The following ZBTB26 variants were observed in gnomAD, a reference collection of about 807,000 sequenced individuals.
ZBTB26 encodes the protein zinc finger and BTB domain containing 26.
A neutral mutation model predicts 31.6 loss-of-function variants in ZBTB26; 12 were observed. That is an observed-to-expected ratio of 0.38 (90% CI 0.24 to 0.61). The LOEUF (loss-of-function observed/expected upper bound fraction) is 0.61. ZBTB26 is among the 20% of genes least tolerant of loss of function. The pLI, the probability that ZBTB26 is intolerant of heterozygous loss-of-function variation, is 0.60. For missense variants in ZBTB26, 311 were observed against 521.9 expected (o/e 0.60, Z 3.94); for synonymous variants, 155 against 182.9 (o/e 0.85, Z 1.23).
At chr9:122,924,392 G>A (rs1027410462) in intron 1 of ZBTB26, among the ~76,000 whole-genome samples, 1 of 152,082 alleles carries the variant, frequency 6.6e-6, no homozygotes, top group African/African-American at 2.4e-5. Flanking sequence ...CCAATAGACT[G>A]TTAGTTATTT....
intron 1 of ZBTB26, among the ~76,000 whole-genome samples, chr9:122,930,488 G>A (rs1833255631): frequency 6.6e-6 from 1 of 152,146 alleles, no homozygotes; most frequent in African/African-American, 2.4e-5. Flanking sequence ...CTAACTTTTA[G>A]CTAAATGTCT....
In ZBTB26 at chr9:122,918,694, T is replaced by G. The variant is rs780869178; in HGVS notation, c.1241A>C (p.Gln414Pro). 6 of 1,614,234 alleles carry G rather than the reference T, an allele frequency of 3.7e-6. No individual in the cohort carries two copies. The Admixed American group carries it at 8.3e-5, about 22-fold the overall frequency. ...ATCCAGGACCTGTGTTGCATCGGGT[T>G]GTGGCTGACACCCTTTAGAGTCTGT... The part of the protein sequence containing the change: ...TVTDSKGCQP[Q>P]PDATQVLDAG... Residue 414 changes from glutamine to proline, a missense_variant, in exon 2 of 2, where the codon CAA becomes CCA. Physicochemically the swap from Gln to Pro is moderately conservative, Grantham distance 76. Transcript: ENST00000373656.
In ZBTB26 at chr9:122,919,513, G is replaced by A; in HGVS notation, c.422C>T (p.Pro141Leu). 6.2e-7 allele frequency: 1 copy of A among 1,614,160 alleles called. No individual in the cohort carries two copies. The highest frequency in any genetic ancestry group is 8.5e-7 in the Non-Finnish European group (1 of 1,180,024). Residue 141 changes from proline to leucine, a missense_variant, in exon 2 of 2, where the codon CCA becomes CTA. By Grantham distance (98) the Pro-to-Leu change is moderately conservative (BLOSUM62 -3). Transcript: ENST00000373656. The surrounding 1 kb of genome is among the most constrained non-coding windows in gnomAD (Gnocchi z 6.1). The stretch of plus-strand genomic sequence containing the variant: ...TTTTGACTGGGGAGAAGCACTCTGT[G>A]GTTCACATCCCTCTTTACTATCCAT... ...QPMDSKEGCE[P>L]QSASPQSKEQ... is the part of the protein sequence containing the mutation.
intron 1 of ZBTB26, among the ~76,000 whole-genome samples, chr9:122,927,088 C>G (rs569301404): frequency 4.6e-5 from 7 of 152,312 alleles, no homozygotes; most frequent in African/African-American, 1.7e-4. Context: ...ACTCCTCACT[C>G]CTCCATTCTT....
Position 122,918,441 on chromosome 9 carries a change from G to A in ZBTB26, c.*168C>T. 2.0e-6 allele frequency: 2 copies of A among 987,654 alleles called. No individual in the cohort carries two copies. Among genetic ancestry groups the A allele is most frequent in the East Asian group, 2.5e-5 (1 of 39,356 alleles). 61.2% of individuals were successfully genotyped at this position (987,654 alleles called of 1,614,324 possible). On this transcript the variant is annotated 3_prime_UTR_variant, in exon 2 of 2. Coordinates refer to ENST00000373656, the MANE Select transcript of ZBTB26 (RefSeq NM_020924.4). ...GAAAATGGGAGAGGGCAAAAGTAAG[G>A]CAAATCCACTCCAAGTGGTAAGTTG... is the stretch of plus-strand genomic sequence containing the variant.
At chr9:122,929,093 A>T (rs1833228214) in intron 1 of ZBTB26, among the ~76,000 whole-genome samples, 1 of 152,210 alleles carries the variant, frequency 6.6e-6, no homozygotes, top group South Asian at 2.1e-4. Context: ...CATTCAGCAA[A>T]GCAGGGAATA....
At chr9:122,931,077 G>C (rs907182248) in intron 1 of ZBTB26, 1 of 152,274 alleles carries the variant, frequency 6.6e-6, no homozygotes, top group Non-Finnish European at 1.5e-5. Flanking sequence ...GGTTCTCAAA[G>C]ACTGGCACTG....
At position 122,918,690 on chromosome 9, in the gene ZBTB26, G is replaced by T. The variant is rs746764215; in HGVS notation, c.1245C>A (p.Pro415=). 6.2e-7 allele frequency: 1 copy of T among 1,614,040 alleles called. No individual in the cohort carries two copies. Among genetic ancestry groups the T allele is most frequent in the Non-Finnish European group, 8.5e-7 (1 of 1,180,030 alleles). ...CTGCATCCAGGACCTGTGTTGCATCGGGTTGTGGCTGACACCCTTTAGAGT... is the reference window on the plus strand; with the variant it reads ...CTGCATCCAGGACCTGTGTTGCATCTGGTTGTGGCTGACACCCTTTAGAGT... ...VTDSKGCQPQ[P]DATQVLDAGK... Residue 415 remains proline (P), a synonymous_variant, in exon 2 of 2, where the codon CCC becomes CCA. Coordinates refer to ENST00000373656, the MANE Select transcript of ZBTB26 (RefSeq NM_020924.4).
Position 122,916,017 on chromosome 9 carries a change from G to C in ZBTB26, c.*2592C>G, listed in dbSNP as rs1342191957. The stretch of plus-strand genomic sequence containing the variant: ...GTAAAATACTGGATATCAGTAACTT[G>C]ACTTCTTTGCAATATAATCTAACAA... On this transcript the variant is annotated 3_prime_UTR_variant, in exon 2 of 2. Transcript: ENST00000373656. 6.6e-6 allele frequency: 1 copy of C among 152,152 alleles called. No homozygotes were observed. The highest frequency in any genetic ancestry group is 1.5e-5 in the Non-Finnish European group (1 of 68,022). The allele number at this position is 152,152 out of a possible 1,614,324, so 9.4% of individuals were successfully genotyped here.
chr9:122,926,400 G>A (rs987252668), intron 1 of ZBTB26, among the ~76,000 whole-genome samples: 4 of 151,660 alleles, frequency 2.6e-5, no homozygotes, highest in Admixed American at 6.6e-5. Context: ...CTAGCTACTC[G>A]GGAGGCTGAG....
At chr9:122,924,691 A>G (rs771792497) in intron 1 of ZBTB26, among the ~76,000 whole-genome samples, 9 of 151,168 alleles carry the variant, frequency 6.0e-5, no homozygotes, top group Non-Finnish European at 1.0e-4. Context: ...CAGTGGCGTA[A>G]TCATAGCTCA....
At chr9:122,927,858 C>T (rs1360338060) in intron 1 of ZBTB26, among the ~76,000 whole-genome samples, 2 of 151,944 alleles carry the variant, frequency 1.3e-5, no homozygotes, top group African/African-American at 2.4e-5. Context: ...TTTTTTGAAA[C>T]GGAGTCTTGC....
intron 1 of ZBTB26, among the ~76,000 whole-genome samples, chr9:122,924,952 C>G (rs1241480688): frequency 2.6e-5 from 4 of 152,054 alleles, no homozygotes; most frequent in South Asian, 2.1e-4. Context: ...CTGTTTTAAA[C>G]ACTTAAAAAA....
At chr9:122,928,687 A>G (rs976028514) in intron 1 of ZBTB26, among the ~76,000 whole-genome samples, 1 of 152,140 alleles carries the variant, frequency 6.6e-6, no homozygotes, top group Admixed American at 6.6e-5. Context: ...TATGTTAACA[A>G]TCCCTAAATC....
intron 1 of ZBTB26, among the ~76,000 whole-genome samples, chr9:122,923,199 A>G (rs1036171504): frequency 6.6e-6 from 1 of 151,748 alleles, no homozygotes; most frequent in African/African-American, 2.4e-5. Flanking sequence ...AAAAAAAGAA[A>G]AAAAAAAAAG....
chr9:122,923,795 T>A (rs1833136980), intron 1 of ZBTB26, among the ~76,000 whole-genome samples: 1 of 152,084 alleles, frequency 6.6e-6, no homozygotes, highest in Non-Finnish European at 1.5e-5. Context: ...AGAGCTGGAG[T>A]GTAGTTTCAT....
chr9:122,929,595 T>C (rs1477872061), intron 1 of ZBTB26, among the ~76,000 whole-genome samples: 1 of 152,234 alleles, frequency 6.6e-6, no homozygotes. Context: ...ATGATTTAAT[T>C]TTTTAAAGAG....
intron 1 of ZBTB26, among the ~76,000 whole-genome samples, chr9:122,925,340 C>T (rs892943400): frequency 2.0e-5 from 3 of 151,986 alleles, no homozygotes; most frequent in South Asian, 2.1e-4. Flanking sequence ...CCACTGCACT[C>T]GTCTGGGTGA....
In ZBTB26 at chr9:122,924,303, A is replaced by C. The variant is rs527739376; in HGVS notation, c.-10-4359T>G. ...TCCCTAGGATGTGTCAGCCCACTCTATTGTCTCTCTCTGATAAATTCTTAT... is the reference window on the plus strand; with the variant it reads ...TCCCTAGGATGTGTCAGCCCACTCTCTTGTCTCTCTCTGATAAATTCTTAT... On this transcript the variant is annotated intron_variant, in intron 1 of 1. Coordinates refer to ENST00000373656, the MANE Select transcript of ZBTB26 (RefSeq NM_020924.4). Among the ~76,000 whole-genome samples, 10 of 152,240 alleles carry C rather than the reference A, an allele frequency of 6.6e-5. No individual in the cohort carries two copies. The South Asian group carries it at 2.1e-3, about 32-fold the overall frequency.
Sources: allele counts gnomAD v4.1 joint callset (sites outside exome capture counted in the v4.1 genomes callset), GRCh38; gene constraint gnomAD v4.1.1; non-coding constraint Gnocchi (gnomAD v3.1); transcripts MANE v1.5; gene names NCBI Gene and HGNC (gene_info 2026-07-23, HGNC 2026-07-21).